Variants in CHMP3 observed in about 807,000 individuals in gnomAD.
The protein encoded by CHMP3 is charged multivesicular body protein 3, also known as 25.1 protein.
A neutral mutation model predicts 27.4 loss-of-function variants in CHMP3; 8 were observed. The observed-to-expected ratio is 0.29, with a 90% CI of 0.17 to 0.53. The LOEUF (loss-of-function observed/expected upper bound fraction) is 0.53. Among genes scored for constraint, CHMP3 ranks in the 20% least tolerant of loss-of-function variants. The probability of loss-of-function intolerance (pLI) is 0.96; values close to 1 mark genes in which losing one functional copy is unlikely to be tolerated. For synonymous variants in CHMP3, 86 were observed against 85.5 expected, an observed-to-expected ratio of 1.01 and a Z score of -0.03; for missense variants, 208 against 271.5, an observed-to-expected ratio of 0.77 and a Z score of 1.64.
chr2:86,514,341 A>G (rs1038334277), intron 3 of CHMP3, among the ~76,000 whole-genome samples: 1 of 152,270 alleles, frequency 6.6e-6, no homozygotes, highest in African/African-American at 2.4e-5. Context: ...CAAAAATATC[A>G]TCCATTATAT....
rs747644215 is a variant in CHMP3, at chr2:86,563,290, G to A, written c.45+14C>T. 1.9e-6 allele frequency: 3 copies of A among 1,613,706 alleles called. No individual in the cohort carries two copies. The highest frequency in any genetic ancestry group is 1.7e-6 in the Non-Finnish European group (2 of 1,179,708). ...CAGATCCACCCGCTTATCTGCCGCC[G>A]CCGTAGCCCTTACCAGTTCTTTGGG... On this transcript the variant is annotated intron_variant, in intron 1 of 5. Coordinates refer to ENST00000263856, the MANE Select transcript of CHMP3 (RefSeq NM_016079.4).
Position 86,555,671 on chromosome 2 carries a change from C to A in CHMP3, c.45+7633G>T, listed in dbSNP as rs532414066. Among the ~76,000 whole-genome samples the A allele has an allele frequency of 2.6e-5, 4 of 152,258 alleles. No homozygotes were observed. In the East Asian group the frequency reaches 7.7e-4, roughly 29 times the overall value. ...CCAACTTTTAATGGCTACCAGCATTCCTTAGTTTGCAGTCTCACCATCCAA... is the reference window on the plus strand; with the variant it reads ...CCAACTTTTAATGGCTACCAGCATTACTTAGTTTGCAGTCTCACCATCCAA... On this transcript the variant is annotated intron_variant, in intron 1 of 5. Coordinates refer to ENST00000263856, the MANE Select transcript of CHMP3 (RefSeq NM_016079.4).
At chr2:86,529,425 CAAGGGT>C (rs1380472622) in intron 2 of CHMP3, 28 bp from the exon 3 acceptor site, 6 of 1,546,752 alleles carry the variant, frequency 3.9e-6, no homozygotes, top group Non-Finnish European at 5.2e-6. Context: ...CACCAAAAAT[CAAGGGT>C]AAGTCAGGTT....
chr2:86,515,939 C>T lies in CHMP3; in HGVS notation c.287-5460G>A, dbSNP rs369037137. ...TTGTGAGGCTGATGTGGGTGGATCA[C>T]GAGGTCAGGAGATCCAGGCCAACAT... On this transcript the variant is annotated intron_variant, in intron 3 of 5. Transcript: ENST00000263856. Among the ~76,000 whole-genome samples the T allele has an allele frequency of 2.4e-4, 36 of 151,832 alleles. 1 individual carries two copies. In the East Asian group the frequency reaches 5.8e-3, roughly 25 times the overall value.
intron 1 of CHMP3, chr2:86,561,608 A>C (rs1044982707): frequency 6.6e-6 from 1 of 152,078 alleles, no homozygotes; most frequent in Non-Finnish European, 1.5e-5. Context: ...AAACAACTAA[A>C]ATTTTTTATT....
At chr2:86,528,260 GT>G (rs1297518469) in intron 3 of CHMP3, among the ~76,000 whole-genome samples, 1 of 152,148 alleles carries the variant, frequency 6.6e-6, no homozygotes, top group Non-Finnish European at 1.5e-5. Flanking sequence ...CTTCTTTTGA[GT>G]GTGATCAATG....
intron 1 of CHMP3, among the ~76,000 whole-genome samples, chr2:86,550,818 A>G (rs1676879332): frequency 6.6e-6 from 1 of 152,206 alleles, no homozygotes; most frequent in African/African-American, 2.4e-5. Flanking sequence ...CAGTGTAACA[A>G]CTATTTACAG....
At chr2:86,509,050 G>T (rs1385136983) in intron 4 of CHMP3, among the ~76,000 whole-genome samples, 1 of 151,464 alleles carries the variant, frequency 6.6e-6, no homozygotes, top group Non-Finnish European at 1.5e-5. Flanking sequence ...GGGATAAACA[G>T]AATGACTAAG....
intron 1 of CHMP3, among the ~76,000 whole-genome samples, chr2:86,545,024 CCGGA>C (rs1402915761): frequency 1.1e-5 from 1 of 94,548 alleles, no homozygotes; most frequent in Non-Finnish European, 2.3e-5. Flanking sequence ...TCCTCACCTC[CCGGA>C]CGAAGGGCGG....
chr2:86,563,326 TG>T lies in CHMP3; in HGVS notation c.22del (p.Gln8ArgfsTer14). MGLFGKT[Q>X]EKPPKELVNE... ...TACCAGTTCTTTGGGCGGCTTCTCC[TG>T]GGTCTTTCCAAACAGCCCCATGACG... is the stretch of plus-strand genomic sequence containing the variant. On this transcript the variant is annotated frameshift_variant, in exon 1 of 6. Coordinates refer to ENST00000263856, the MANE Select transcript of CHMP3 (RefSeq NM_016079.4). LOFTEE classifies it high-confidence loss of function. The T allele has an allele frequency of 6.2e-7, 1 of 1,614,120 alleles. No individual in the cohort carries two copies. The highest frequency in any genetic ancestry group is 8.5e-7 in the Non-Finnish European group (1 of 1,179,978).
chr2:86,562,886 C>A (rs1386567964), intron 1 of CHMP3: 4 of 164,350 alleles, frequency 2.4e-5, no homozygotes, highest in Non-Finnish European at 3.9e-5. Flanking sequence ...AGACGCGACC[C>A]GGCCCGCTCC....
At chr2:86,507,365 G>A (rs1403268349) in intron 5 of CHMP3, 114 bp downstream of exon 5, 21 of 841,882 alleles carry the variant, frequency 2.5e-5, no homozygotes, top group Non-Finnish European at 3.9e-5. Context: ...AGTGTAAAAC[G>A]TTAAAAATGT....
At chr2:86,558,139 C>T (rs111797846) in intron 1 of CHMP3, among the ~76,000 whole-genome samples, 2,794 of 152,258 alleles carry the variant, frequency 0.018, 94 homozygotes, top group African/African-American at 0.064. Context: ...TAAGACAGAA[C>T]AATTTTCCCA....
chr2:86,517,339 G>A (rs1210971985), intron 3 of CHMP3, among the ~76,000 whole-genome samples: 1 of 150,974 alleles, frequency 6.6e-6, no homozygotes, highest in African/African-American at 2.4e-5. Flanking sequence ...GACTGAGGAG[G>A]GCAGATCATG....
chr2:86,546,373 G>A lies in CHMP3; in HGVS notation c.46-4061C>T, dbSNP rs531530200. On this transcript the variant is annotated intron_variant, in intron 1 of 5. Coordinates refer to ENST00000263856, the MANE Select transcript of CHMP3 (RefSeq NM_016079.4). ...GAGGGAGACCCGAAGGGAGGGGAAG[G>A]GGGGGAGGGGGAGGGGGAGTAGGAG... Among the ~76,000 whole-genome samples, 164 of 151,824 alleles carry A rather than the reference G, an allele frequency of 1.1e-3. 3 individuals carry two copies. The highest frequency in any genetic ancestry group is 3.8e-3 in the African/African-American group (159 of 41,382).
intron 1 of CHMP3, among the ~76,000 whole-genome samples, chr2:86,548,710 C>A (rs577714291): frequency 1.3e-5 from 2 of 152,334 alleles, no homozygotes; most frequent in South Asian, 2.1e-4. Flanking sequence ...CTCTTCGGAG[C>A]TATTGGGTAC....
chr2:86,550,981 T>C (rs1281754890), intron 1 of CHMP3, among the ~76,000 whole-genome samples: 3 of 152,328 alleles, frequency 2.0e-5, no homozygotes, highest in Middle Eastern at 3.4e-3. Flanking sequence ...CTGGAACCAA[T>C]CCTCCTCAGA....
chr2:86,541,581 C>T (rs7604799), intron 2 of CHMP3, among the ~76,000 whole-genome samples: 2,262 of 152,192 alleles, frequency 0.015, 65 homozygotes, highest in African/African-American at 0.052. Flanking sequence ...TGTTTCTATT[C>T]TCTCAGTGAT....
At chr2:86,524,746 T>C (rs966062352) in intron 3 of CHMP3, among the ~76,000 whole-genome samples, 1 of 152,186 alleles carries the variant, frequency 6.6e-6, no homozygotes, top group Non-Finnish European at 1.5e-5. Context: ...GGGATGAATA[T>C]AAATTCAGTA....
Sources: gnomAD v4.1 joint callset for allele counts (sites outside exome capture counted in the v4.1 genomes callset) on GRCh38, gnomAD v4.1.1 for gene constraint, MANE v1.5 for transcripts, NCBI Gene and HGNC (gene_info 2026-07-23, HGNC 2026-07-21) for gene names.